The following GRAMD2B variants were observed in gnomAD, a reference collection of about 807,000 sequenced individuals.
GRAMD2B encodes GRAM domain containing 2B.
A neutral mutation model predicts 59.2 loss-of-function variants in GRAMD2B; 41 were observed. The observed-to-expected ratio is 0.69, with a 90% confidence interval of 0.54 to 0.90. The LOEUF is 0.90. Ranked by LOEUF, GRAMD2B falls within the 40% of genes least tolerant of loss-of-function variation. The pLI, the probability that GRAMD2B is intolerant of heterozygous loss-of-function variation, is 0.00. For missense variants in GRAMD2B, 424 were observed against 500.5 expected (o/e 0.85, Z 1.46); for synonymous variants, 161 against 182.7 (o/e 0.88, Z 0.96).
At chr5:126,481,929 C>G (rs1225990072) in intron 8 of GRAMD2B, among the ~76,000 whole-genome samples, 1 of 149,698 alleles carries the variant, frequency 6.7e-6, no homozygotes, top group Non-Finnish European at 1.5e-5. Flanking sequence ...GATCACGCCG[C>G]TGTACTCCAG....
At chr5:126,459,807 G>C (rs1371428760) in intron 1 of GRAMD2B, among the ~76,000 whole-genome samples, 1 of 152,182 alleles carries the variant, frequency 6.6e-6, no homozygotes, top group African/African-American at 2.4e-5. Context: ...CACTTTATTA[G>C]TGAGAAGATA....
At chr5:126,447,385 G>A (rs71586096) in intron 1 of GRAMD2B, among the ~76,000 whole-genome samples, 28,261 of 152,160 alleles carry the variant, frequency 0.19, 2,750 homozygotes, top group Non-Finnish European at 0.22. Flanking sequence ...AGCCTAGGCC[G>A]GGCGCAGTGG....
In GRAMD2B at chr5:126,391,319, C is replaced by CAAAAAAAAAAAAAAAAAAAAAAAAAAAA. The variant is rs61181985; in HGVS notation, c.125+19773_125+19774insAAAAAAAAAAAAAAAAAAAAAAAAAAAA. 4.5e-4 allele frequency among the ~76,000 whole-genome samples: 34 copies of CAAAAAAAAAAAAAAAAAAAAAAAAAAAA among 76,344 alleles called. 3 individuals are homozygous for CAAAAAAAAAAAAAAAAAAAAAAAAAAAA. Among genetic ancestry groups the CAAAAAAAAAAAAAAAAAAAAAAAAAAAA allele is most frequent in the East Asian group, 7.0e-4 (2 of 2,868 alleles). 50.1% of individuals were successfully genotyped at this position (76,344 alleles called of 152,430 possible). ...TGGGCAAGAGAGGGAGACTCCATCTCAAAAAAAAAAAAAAAAAAAAACTTG... is the reference window on the plus strand; with the variant it reads ...TGGGCAAGAGAGGGAGACTCCATCTCAAAAAAAAAAAAAAAAAAAAAAAAAAAAAAAAAAAAAAAAAAAAAAAAACTTG... On this transcript the variant is annotated intron_variant, in intron 1 of 8. Coordinates refer to the GRAMD2B transcript ENST00000506445.
intron 9 of GRAMD2B, 93 bp from the exon 10 acceptor site, chr5:126,484,309 T>C: frequency 2.8e-6 from 4 of 1,409,216 alleles, no homozygotes; most frequent in Non-Finnish European, 3.9e-6. Context: ...TCTTGACCAT[T>C]ATGCATGTTA....
intron 6 of GRAMD2B, among the ~76,000 whole-genome samples, chr5:126,478,511 T>C (rs1467355268): frequency 6.6e-6 from 1 of 151,996 alleles, no homozygotes; most frequent in Admixed American, 6.6e-5. Flanking sequence ...GAGGCCCAAA[T>C]GGGCAGATCG....
intron 6 of GRAMD2B, among the ~76,000 whole-genome samples, chr5:126,479,230 G>A (rs949751925): frequency 6.6e-6 from 1 of 151,662 alleles, no homozygotes; most frequent in African/African-American, 2.4e-5. Flanking sequence ...ATAGAGATGG[G>A]GTCTTGCTAT....
chr5:126,397,634 T>G (rs1561478763), intron 1 of GRAMD2B, among the ~76,000 whole-genome samples: 1 of 152,254 alleles, frequency 6.6e-6, no homozygotes, highest in East Asian at 1.9e-4. Flanking sequence ...GAGACAATCA[T>G]GTGGTTTTCT....
At chr5:126,480,994 CT>C (rs1771629649) in intron 8 of GRAMD2B, 1 of 442,600 alleles carries the variant, frequency 2.3e-6, no homozygotes, top group South Asian at 2.9e-5. Flanking sequence ...GCTCTGTTTG[CT>C]TGTCAATATT....
chr5:126,371,621 TA>T (rs1754760041), intron 1 of GRAMD2B: 1 of 1,243,484 alleles, frequency 8.0e-7, no homozygotes, highest in African/African-American at 1.5e-5. Context: ...TGGCCTCAGC[TA>T]CCCAACTGGT....
intron 1 of GRAMD2B, among the ~76,000 whole-genome samples, chr5:126,428,309 T>C (rs772077841): frequency 1.8e-4 from 27 of 152,200 alleles, no homozygotes; most frequent in Non-Finnish European, 2.6e-4. Context: ...ATCCACTAAA[T>C]ATGGGCCTTC....
At chr5:126,370,019 G>A (rs190315184), upstream of GRAMD2B, among the ~76,000 whole-genome samples, 4 of 152,272 alleles carry the variant, frequency 2.6e-5, no homozygotes, top group East Asian at 1.9e-4. Flanking sequence ...AATATAGACC[G>A]TGCTCTGTCA....
rs1213288919 is a variant in GRAMD2B, at chr5:126,409,584, A to G, written c.125+38017A>G. On this transcript the variant is annotated intron_variant, in intron 1 of 8. Transcript: ENST00000506445. Reference sequence around the variant, plus strand: ...TTTGAGTTCATTGTAGGTTCTGGATATTAGCCCTTTGTCAGATGAGTAGGT... The same window carrying G: ...TTTGAGTTCATTGTAGGTTCTGGATGTTAGCCCTTTGTCAGATGAGTAGGT... Among the ~76,000 whole-genome samples, 4 of 152,166 alleles carry G rather than the reference A, an allele frequency of 2.6e-5. 1 individual carries two copies. The highest frequency in any genetic ancestry group is 2.6e-4 in the Admixed American group (4 of 15,278).
At chr5:126,472,344 G>T in intron 4 of GRAMD2B, 40 bp downstream of exon 4, 1 of 1,518,816 alleles carries the variant, frequency 6.6e-7, no homozygotes, top group Non-Finnish European at 9.1e-7. Flanking sequence ...CTACATATTT[G>T]AAAAGTTGAT....
At chr5:126,472,191 C>T in intron 3 of GRAMD2B, 47 bp from the exon 4 acceptor site, 2 of 1,460,426 alleles carry the variant, frequency 1.4e-6, no homozygotes, top group Non-Finnish European at 1.9e-6. Context: ...TGTGATGTTT[C>T]ACAAGAAAGT....
intron 1 of GRAMD2B, among the ~76,000 whole-genome samples, chr5:126,388,144 G>A (rs956684306): frequency 3.3e-5 from 5 of 152,086 alleles, no homozygotes; most frequent in African/African-American, 4.8e-5. Context: ...AGGCCAAGGC[G>A]GGTGATTCAC....
chr5:126,448,150 C>A (rs775346216), intron 1 of GRAMD2B, among the ~76,000 whole-genome samples: 1 of 152,094 alleles, frequency 6.6e-6, no homozygotes, highest in Non-Finnish European at 1.5e-5. Context: ...GCCACAGCAC[C>A]TGACCCCATT....
At chr5:126,387,515 TTC>T (rs1034211777) in intron 1 of GRAMD2B, among the ~76,000 whole-genome samples, 49 of 151,354 alleles carry the variant, frequency 3.2e-4, no homozygotes, top group African/African-American at 1.2e-3. Flanking sequence ...AAAATATTAT[TTC>T]TCTCTTATTG....
chr5:126,434,066 A>C (rs12515271), intron 1 of GRAMD2B: 1 of 152,226 alleles, frequency 6.6e-6, no homozygotes, highest in Non-Finnish European at 1.5e-5. Context: ...ACTCTGGATT[A>C]GATCATTTTT....
chr5:126,479,423 T>C (rs939106134), intron 6 of GRAMD2B, among the ~76,000 whole-genome samples: 1 of 152,176 alleles, frequency 6.6e-6, no homozygotes, highest in African/African-American at 2.4e-5. Context: ...TCTGATAAGC[T>C]AGAAAATATG....
Sources: gnomAD v4.1 joint callset for allele counts (sites outside exome capture counted in the v4.1 genomes callset) on GRCh38, gnomAD v4.1.1 for gene constraint, MANE v1.5 for transcripts, NCBI Gene and HGNC (gene_info 2026-07-23, HGNC 2026-07-21) for gene names.